Variants in VPS13A observed in about 807,000 individuals in gnomAD.
The protein encoded by VPS13A is intermembrane lipid transfer protein VPS13A.
In VPS13A, 264 loss-of-function variants were observed where a neutral mutation model predicts 390.9. That is an observed-to-expected ratio of 0.68 (90% CI 0.61 to 0.75). The LOEUF (loss-of-function observed/expected upper bound fraction) is 0.75, where lower values mean the gene tolerates loss of function less well. Ranked by LOEUF, VPS13A falls within the 30% of genes least tolerant of loss-of-function variation. The probability of loss-of-function intolerance (pLI) is 0.00; values close to 1 mark genes in which losing one functional copy is unlikely to be tolerated. For synonymous variants in VPS13A, 1,231 were observed against 1,227.1 expected (o/e 1.00, Z -0.07); for missense variants, 3,409 against 3,733.9 (o/e 0.91, Z 2.27).
At position 77,316,314 on chromosome 9, in the gene VPS13A, C is replaced by G. The variant is rs1829385510; in HGVS notation, c.4771C>G (p.Leu1591Val). The change falls in exon 39 of 72, where the codon CTT (leucine) becomes GTT (valine). Residue 1591 changes from leucine to valine, a missense_variant. Physicochemically the swap from Leu to Val is conservative, Grantham distance 32 (BLOSUM62 1). Coordinates refer to ENST00000360280, the MANE Select transcript of VPS13A (RefSeq NM_033305.3). ...TQCEICYKGN[L>V]ENSTMTAAIK... ...ATGTGAAATTTGCTATAAAGGTAAC[C>G]TTGAAAATAGTACAATGACTGCTGC... 1 of 1,613,086 alleles carries G rather than the reference C, an allele frequency of 6.2e-7. No homozygotes were observed. Among genetic ancestry groups the G allele is most frequent in the Non-Finnish European group, 8.5e-7 (1 of 1,179,362 alleles).
chr9:77,315,033 A>T (rs566816838), intron 37 of VPS13A, among the ~76,000 whole-genome samples: 1 of 152,304 alleles, frequency 6.6e-6, no homozygotes, highest in African/African-American at 2.4e-5. Flanking sequence ...TCAAACTCTT[A>T]TAATTTATTG....
Position 77,205,984 on chromosome 9 carries a change from A to C in VPS13A, c.290A>C (p.Lys97Thr). 3 of 1,561,190 alleles carry C rather than the reference A, an allele frequency of 1.9e-6. No homozygotes were observed. The highest frequency in any genetic ancestry group is 2.6e-6 in the Non-Finnish European group (3 of 1,148,238). Reference protein sequence around the residue: ...YLLIVPSSRIKYDPLKEEKQL... With the variant: ...YLLIVPSSRITYDPLKEEKQL... ...CTTTTTAATCTTCCTATAGGAATAA[A>C]ATATGATCCTTTAAAAGAAGAGAAA... is the stretch of plus-strand genomic sequence containing the variant. Residue 97 changes from lysine to threonine, a missense_variant, in exon 5 of 72, where the codon AAA becomes ACA. Physicochemically the swap from Lys to Thr is moderately conservative, Grantham distance 78. This residue lies in a region of VPS13A where 2,717 missense variants were observed against 2,917.4 expected (regional missense o/e 0.93). Coordinates refer to ENST00000360280, the MANE Select transcript of VPS13A (RefSeq NM_033305.3).
chr9:77,407,671 A>G (rs754950665), intron 71 of VPS13A, 64 bp downstream of exon 71: 126 of 1,225,550 alleles, frequency 1.0e-4, no homozygotes, highest in South Asian at 1.3e-5. Flanking sequence ...TAAGTGGACT[A>G]TTTTTTAATG....
chr9:77,329,064 C>T (rs1310968990), intron 45 of VPS13A, among the ~76,000 whole-genome samples: 1 of 152,174 alleles, frequency 6.6e-6, no homozygotes, highest in Non-Finnish European at 1.5e-5. Flanking sequence ...ATCACGAGAA[C>T]AGCATGCAGG....
At chr9:77,414,508 A>G (rs943784506) in intron 71 of VPS13A, among the ~76,000 whole-genome samples, 1 of 151,788 alleles carries the variant, frequency 6.6e-6, no homozygotes, top group Non-Finnish European at 1.5e-5. Context: ...CAAACACTGC[A>G]TGTTCTCACT....
intron 52 of VPS13A, 131 bp downstream of exon 52, chr9:77,345,273 T>A: frequency 9.7e-7 from 1 of 1,027,910 alleles, no homozygotes; most frequent in Non-Finnish European, 1.4e-6. Flanking sequence ...AGTGTTCCAT[T>A]AAAAAATGTA....
At chr9:77,179,307 C>A (rs1054857282) in intron 1 of VPS13A, among the ~76,000 whole-genome samples, 1 of 152,110 alleles carries the variant, frequency 6.6e-6, no homozygotes, top group Non-Finnish European at 1.5e-5. Context: ...ATGTATGCAC[C>A]ACCACAATAA....
chr9:77,290,506 C>T (rs1051650611), intron 31 of VPS13A, among the ~76,000 whole-genome samples: 23 of 152,104 alleles, frequency 1.5e-4, no homozygotes, highest in African/African-American at 4.6e-4. Context: ...CCCCCACCCC[C>T]TGGCTCCCCT....
chr9:77,248,389 T>G (rs540767688), intron 20 of VPS13A, among the ~76,000 whole-genome samples: 7 of 151,926 alleles, frequency 4.6e-5, no homozygotes, highest in Non-Finnish European at 7.4e-5. Context: ...CTAATTTTTT[T>G]TGTGATTTTT....
At position 77,418,589 on chromosome 9, in the gene VPS13A, C is replaced by G. The variant is rs1449005855; in HGVS notation, c.*2583C>G. On this transcript the variant is annotated 3_prime_UTR_variant, in exon 72 of 72. Transcript: ENST00000360280. ...TTAGTGTTCACAAAAATCCCAAGGT[C>G]AGTTTAGTGTGGCTGAGTTGTTGTT... 1 of 152,174 alleles carries G rather than the reference C, an allele frequency of 6.6e-6. No homozygotes were observed. Among genetic ancestry groups the G allele is most frequent in the African/African-American group, 2.4e-5 (1 of 41,440 alleles). The allele number at this position is 152,174 out of a possible 1,614,324, so 9.4% of individuals were successfully genotyped here.
Position 77,228,074 on chromosome 9 carries a change from T to TTATATA in VPS13A, c.1453-38_1453-33dup, listed in dbSNP as rs34249411. 3.2e-6 allele frequency: 4 copies of TTATATA among 1,250,282 alleles called. No individual in the cohort carries two copies. In the Admixed American group the frequency reaches 9.9e-5, roughly 31 times the overall value. The allele number at this position is 1,250,282 out of a possible 1,614,324, so 77.4% of individuals were successfully genotyped here. On this transcript the variant is annotated intron_variant, in intron 16 of 71. Transcript: ENST00000360280. ...TGTACTATAAGAATATTTGTTATGC[T>TTATATA]TATATATATATATATGTTTTCATTT...
chr9:77,344,473 T>C (rs538496084), intron 51 of VPS13A, among the ~76,000 whole-genome samples, 192 bp downstream of exon 51: 1 of 152,238 alleles, frequency 6.6e-6, no homozygotes, highest in Non-Finnish European at 1.5e-5. Flanking sequence ...AAAAGTTAGT[T>C]GGGGCCGGGT....
chr9:77,264,513 C>A (rs1042333580), intron 23 of VPS13A, among the ~76,000 whole-genome samples: 13 of 152,148 alleles, frequency 8.5e-5, no homozygotes, highest in Admixed American at 7.2e-4. Flanking sequence ...TCCTTCACAT[C>A]CCTTGTAAGT....
chr9:77,333,570 A>G (rs997993154), intron 46 of VPS13A, among the ~76,000 whole-genome samples: 1 of 151,614 alleles, frequency 6.6e-6, no homozygotes, highest in Non-Finnish European at 1.5e-5. Flanking sequence ...ATGTGCCACC[A>G]TGCGCAGCTA....
rs781746559 is a variant in VPS13A, at chr9:77,283,467, T to C, written c.3231T>C (p.Ile1077=). 9 of 1,599,884 alleles carry C rather than the reference T, an allele frequency of 5.6e-6. No homozygotes were observed. The Admixed American group carries it at 1.0e-4, about 18-fold the overall frequency. ...DQKCNISEIK[I]EGLDSEMIMR... ...AATGTAACATTTCTGAAATTAAGATTGAAGGTAATAAAATTTCACAAAAAG... is the reference window on the plus strand; with the variant it reads ...AATGTAACATTTCTGAAATTAAGATCGAAGGTAATAAAATTTCACAAAAAG... The change falls in exon 30 of 72, where the codon ATT becomes ATC. Residue 1077 remains isoleucine, a synonymous_variant. Transcript: ENST00000360280.
At chr9:77,414,505 T>C (rs910943667) in intron 71 of VPS13A, among the ~76,000 whole-genome samples, 3 of 151,042 alleles carry the variant, frequency 2.0e-5, no homozygotes, top group Non-Finnish European at 4.4e-5. Context: ...AACCAAACAC[T>C]GCATGTTCTC....
intron 23 of VPS13A, among the ~76,000 whole-genome samples, chr9:77,271,689 A>G (rs1209752640): frequency 6.6e-6 from 1 of 152,128 alleles, no homozygotes; most frequent in Admixed American, 6.6e-5. Context: ...GCTTCCCTCA[A>G]AACTCCAGGG....
At chr9:77,308,268 ATC>A (rs970243455) in intron 35 of VPS13A, among the ~76,000 whole-genome samples, 170 bp downstream of exon 35, 1 of 149,786 alleles carries the variant, frequency 6.7e-6, no homozygotes, top group African/African-American at 2.5e-5. Flanking sequence ...AGATTTGTAA[ATC>A]TGTTTCTAAT....
chr9:77,332,345 A>C (rs529824148), intron 46 of VPS13A, among the ~76,000 whole-genome samples: 2 of 152,030 alleles, frequency 1.3e-5, no homozygotes, highest in Non-Finnish European at 2.9e-5. Context: ...TTTGATTGCA[A>C]TATAACCGTC....
Sources: gnomAD v4.1 joint callset for allele counts (sites outside exome capture counted in the v4.1 genomes callset) on GRCh38, gnomAD v4.1.1 for gene constraint, gnomAD v4.1.1 regional missense constraint, MANE v1.5 for transcripts, NCBI Gene and HGNC (gene_info 2026-07-23, HGNC 2026-07-21) for gene names.